Variants in GRM5 observed in about 807,000 individuals in gnomAD.
GRM5 encodes the protein glutamate metabotropic receptor 5.
In GRM5, 19 loss-of-function variants were observed where a neutral mutation model predicts 83.1. The observed-to-expected ratio is 0.23, with a 90% CI of 0.16 to 0.34. The LOEUF (loss-of-function observed/expected upper bound fraction) is 0.34. GRM5 is among the 10% of genes least tolerant of loss of function. The pLI is 1.00. For synonymous variants in GRM5, 675 were observed against 633.6 expected (o/e 1.07, Z -0.98); for missense variants, 1,160 against 1,588.3 (o/e 0.73, Z 4.58).
At chr11:88,907,919 T>C (rs1033999194) in intron 2 of GRM5, among the ~76,000 whole-genome samples, 2 of 152,192 alleles carry the variant, frequency 1.3e-5, no homozygotes, top group African/African-American at 4.8e-5. Flanking sequence ...ATTTTTTCTG[T>C]CTGTTGTATG....
intron 6 of GRM5, among the ~76,000 whole-genome samples, chr11:88,592,110 G>A (rs530650166): frequency 9.9e-5 from 15 of 152,156 alleles, no homozygotes; most frequent in Non-Finnish European, 1.5e-4. Context: ...TTTGAAAGAC[G>A]CAGGGGAAAG....
At chr11:88,678,756 C>A in intron 3 of GRM5, among the ~76,000 whole-genome samples, 1 of 151,998 alleles carries the variant, frequency 6.6e-6, no homozygotes, top group Non-Finnish European at 1.5e-5. Flanking sequence ...ACAAAGAATT[C>A]CATGAATAGT....
At chr11:88,877,397 G>A (rs1944872957) in intron 2 of GRM5, among the ~76,000 whole-genome samples, 1 of 152,094 alleles carries the variant, frequency 6.6e-6, no homozygotes, top group Non-Finnish European at 1.5e-5. Context: ...TGTGAAGCAA[G>A]GGCGACTCAT....
At chr11:89,017,706 T>C (rs1940893529) in intron 2 of GRM5, among the ~76,000 whole-genome samples, 1 of 152,216 alleles carries the variant, frequency 6.6e-6, no homozygotes, top group Non-Finnish European at 1.5e-5. Flanking sequence ...CACAATATGC[T>C]TCTTCTCACA....
intron 3 of GRM5, among the ~76,000 whole-genome samples, chr11:88,739,412 T>C (rs2135414897): frequency 6.6e-6 from 1 of 152,262 alleles, no homozygotes; most frequent in African/African-American, 2.4e-5. Flanking sequence ...TTCAGGATCA[T>C]ATACTCCATA....
At chr11:88,819,359 A>G (rs771356599) in intron 3 of GRM5, among the ~76,000 whole-genome samples, 27 of 152,226 alleles carry the variant, frequency 1.8e-4, no homozygotes, top group Non-Finnish European at 2.5e-4. Flanking sequence ...TAGATATGCT[A>G]CTGAAGAATA....
At chr11:88,625,713 A>G (rs1183297427) in intron 4 of GRM5, among the ~76,000 whole-genome samples, 1 of 152,192 alleles carries the variant, frequency 6.6e-6, no homozygotes, top group African/African-American at 2.4e-5. Context: ...CCATACCCCA[A>G]ACCACAACAT....
intron 9 of GRM5, among the ~76,000 whole-genome samples, chr11:88,521,455 C>T (rs1941687199): frequency 6.6e-6 from 1 of 152,120 alleles, no homozygotes. Flanking sequence ...ACTCCAATGC[C>T]ATGCCCCTGC....
intron 3 of GRM5, among the ~76,000 whole-genome samples, chr11:88,793,408 T>A (rs927108640): frequency 6.6e-6 from 1 of 152,208 alleles, no homozygotes; most frequent in African/African-American, 2.4e-5. Context: ...CTGCTAGGTA[T>A]TTCTGGACCT....
At chr11:88,827,128 T>C (rs1208871396) in intron 3 of GRM5, among the ~76,000 whole-genome samples, 1 of 152,152 alleles carries the variant, frequency 6.6e-6, no homozygotes, top group Non-Finnish European at 1.5e-5. Context: ...AATGAGGACA[T>C]CTGAACGCCA....
At chr11:88,813,578 C>T (rs1488024194) in intron 3 of GRM5, among the ~76,000 whole-genome samples, 1 of 152,138 alleles carries the variant, frequency 6.6e-6, no homozygotes, top group South Asian at 2.1e-4. Context: ...TCTTCCAGTG[C>T]AAGTTTTCTA....
At position 88,790,548 on chromosome 11, in the gene GRM5, T is replaced by C. The variant is rs149241587; in HGVS notation, c.911+59358A>G. Among the ~76,000 whole-genome samples, 849 of 152,288 alleles carry C rather than the reference T, an allele frequency of 5.6e-3. 12 individuals carry two copies. The highest frequency in any genetic ancestry group is 0.019 in the African/African-American group (790 of 41,558). On this transcript the variant is annotated intron_variant, in intron 3 of 9. Coordinates refer to ENST00000305447, the MANE Select transcript of GRM5 (RefSeq NM_001143831.3). ...TCTTCTTTTTTAATATATAGAATAG[T>C]ACTAGGAGAGAAGGTATGATAACTA...
chr11:88,698,872 T>C (rs1304020178), intron 3 of GRM5, among the ~76,000 whole-genome samples: 5 of 152,168 alleles, frequency 3.3e-5, no homozygotes, highest in African/African-American at 9.7e-5. Context: ...TTTGTAAAAG[T>C]AGAAATTATG....
rs182342975 is a variant in GRM5, at chr11:89,019,072, C to A, written c.661+28140G>T. Among the ~76,000 whole-genome samples, 4 of 152,280 alleles carry A rather than the reference C, an allele frequency of 2.6e-5. No individual in the cohort carries two copies. In the East Asian group the frequency reaches 7.7e-4, roughly 29 times the overall value. On this transcript the variant is annotated intron_variant, in intron 2 of 9. Transcript: ENST00000305447. ...GATTTAGTTGTCCTGCCTCCTTAGG[C>A]TCCTCAAAACGGTGACTGATTGTCA... is the stretch of plus-strand genomic sequence containing the variant.
chr11:88,641,490 C>T (rs1010787224), intron 4 of GRM5, among the ~76,000 whole-genome samples: 1 of 152,088 alleles, frequency 6.6e-6, no homozygotes, highest in African/African-American at 2.4e-5. Flanking sequence ...CTGCATCAAC[C>T]CAATCAGCAG....
chr11:88,842,427 C>G (rs1483584850), intron 3 of GRM5, among the ~76,000 whole-genome samples: 3 of 152,290 alleles, frequency 2.0e-5, no homozygotes, highest in Admixed American at 1.3e-4. Context: ...TTCATTTACT[C>G]ACCATCTACT....
At chr11:88,869,466 A>T (rs1014978251) in intron 2 of GRM5, among the ~76,000 whole-genome samples, 1 of 151,668 alleles carries the variant, frequency 6.6e-6, no homozygotes. Context: ...CTGGAAATAG[A>T]TCCCTGTTTC....
intron 3 of GRM5, among the ~76,000 whole-genome samples, chr11:88,734,643 A>G (rs901399172): frequency 6.6e-6 from 1 of 152,078 alleles, no homozygotes; most frequent in African/African-American, 2.4e-5. Flanking sequence ...TCTTGGTTAC[A>G]GTTACTTAAC....
At chr11:88,961,225 T>C (rs1938773288) in intron 2 of GRM5, among the ~76,000 whole-genome samples, 1 of 152,170 alleles carries the variant, frequency 6.6e-6, no homozygotes, top group Non-Finnish European at 1.5e-5. Context: ...GAACTCACTG[T>C]TTTAGAATAT....
Sources: allele counts gnomAD v4.1 joint callset (sites outside exome capture counted in the v4.1 genomes callset), GRCh38; gene constraint gnomAD v4.1.1; transcripts MANE v1.5; gene names NCBI Gene and HGNC (gene_info 2026-07-23, HGNC 2026-07-21).